Variants in PCDHA10 observed in about 807,000 individuals in gnomAD.
PCDHA10 encodes the protein protocadherin alpha-10.
In PCDHA10, 45 loss-of-function variants were observed where a neutral mutation model predicts 61.2. The ratio of observed to expected loss-of-function variants is 0.74; its 90% confidence interval spans 0.58 to 0.94. PCDHA10 has a LOEUF of 0.94. Ranked by LOEUF, PCDHA10 falls within the 40% of genes least tolerant of loss-of-function variation. The pLI, the probability that PCDHA10 is intolerant of heterozygous loss-of-function variation, is 0.00. For missense variants in PCDHA10, 1,278 were observed against 1,236.2 expected, an observed-to-expected ratio of 1.03 and a Z score of -0.51; for synonymous variants, 602 against 548.8, an observed-to-expected ratio of 1.10 and a Z score of -1.35.
intron 3 of PCDHA10, among the ~76,000 whole-genome samples, chr5:140,985,373 C>G (rs1228293287): frequency 6.6e-6 from 1 of 152,106 alleles, no homozygotes. Flanking sequence ...TTATCTGGGT[C>G]TATATAATCC....
At chr5:140,905,033 T>C (rs1325621385) in intron 1 of PCDHA10, among the ~76,000 whole-genome samples, 3 of 152,234 alleles carry the variant, frequency 2.0e-5, no homozygotes, top group African/African-American at 7.2e-5. Context: ...AGAAGCTTTT[T>C]AGTTTAATTA....
intron 1 of PCDHA10, chr5:140,858,692 C>A: frequency 1.7e-6 from 1 of 580,634 alleles, no homozygotes; most frequent in Non-Finnish European, 2.9e-6. Flanking sequence ...TAATATTTTC[C>A]AATACAAATA....
intron 1 of PCDHA10, chr5:140,926,295 C>T (rs1554203253): frequency 6.6e-6 from 1 of 152,322 alleles, no homozygotes; most frequent in African/African-American, 2.4e-5. Flanking sequence ...CGCTGAGTCC[C>T]GCCCTCTCCG....
rs1562509895 is a variant in PCDHA10 at position 140,856,448 on chromosome 5, G to GT, written c.401dup (p.Thr135AsnfsTer9). On this transcript the variant is annotated frameshift_variant, in exon 1 of 4. Coordinates refer to ENST00000307360, the MANE Select transcript of PCDHA10 (RefSeq NM_018901.4). LOFTEE classifies it high-confidence loss of function. ...TAACGACAACCCGCCCAGGTTCTCCGTAACAGAACAAAAGCTCTCAATACC... is the reference window on the plus strand; with the variant it reads ...TAACGACAACCCGCCCAGGTTCTCCGTTAACAGAACAAAAGCTCTCAATACC... 1 of 1,598,390 alleles carries GT rather than the reference G, an allele frequency of 6.3e-7. No individual in the cohort carries two copies. Among genetic ancestry groups the GT allele is most frequent in the East Asian group, 2.2e-5 (1 of 44,864 alleles).
At chr5:140,987,452 A>C (rs1430622755) in intron 3 of PCDHA10, among the ~76,000 whole-genome samples, 2 of 152,076 alleles carry the variant, frequency 1.3e-5, no homozygotes, top group Non-Finnish European at 2.9e-5. Context: ...CCCGAGAGAT[A>C]ATTGTTAAGA....
intron 1 of PCDHA10, chr5:140,967,146 AC>A: frequency 6.2e-7 from 1 of 1,610,972 alleles, no homozygotes; most frequent in Non-Finnish European, 8.5e-7. Context: ...CTGGCGCACA[AC>A]CCCGTGGCGG....
rs782119738 is a variant in PCDHA10, at chr5:140,927,224, G to A, written c.2389-51725G>A. ...GACCCGCTGGAGCTGCACAAGATTC[G>A]GATTCACGTCCTGGACACCAATGAC... On this transcript the variant is annotated intron_variant, in intron 1 of 3. Coordinates refer to ENST00000307360, the MANE Select transcript of PCDHA10 (RefSeq NM_018901.4). 3 of 1,614,072 alleles carry A rather than the reference G, an allele frequency of 1.9e-6. No homozygotes were observed. The South Asian group carries it at 3.3e-5, about 18-fold the overall frequency.
intron 3 of PCDHA10, among the ~76,000 whole-genome samples, chr5:140,995,470 T>C (rs543327839): frequency 5.6e-4 from 86 of 152,360 alleles, no homozygotes; most frequent in Middle Eastern, 3.4e-3. Flanking sequence ...TTGAAATTTT[T>C]CATTTAATAT....
chr5:140,862,618 C>A (rs532330556), intron 1 of PCDHA10: 10 of 526,556 alleles, frequency 1.9e-5, no homozygotes, highest in South Asian at 1.3e-4. Flanking sequence ...AGGTAACAAC[C>A]CGCGGGGCTG....
chr5:140,871,036 C>A (rs781977409), intron 1 of PCDHA10: 2 of 1,613,156 alleles, frequency 1.2e-6, no homozygotes, highest in East Asian at 2.2e-5. Flanking sequence ...GCCGCGCCAC[C>A]GACTTCTAGT....
intron 1 of PCDHA10, chr5:140,928,089 T>G: frequency 6.2e-7 from 1 of 1,614,192 alleles, no homozygotes; most frequent in Non-Finnish European, 8.5e-7. Context: ...GCCTGCTGAT[T>G]GATGGGCCCC....
intron 1 of PCDHA10, among the ~76,000 whole-genome samples, chr5:140,912,269 A>T (rs1463580948): frequency 6.6e-6 from 1 of 151,984 alleles, no homozygotes; most frequent in African/African-American, 2.4e-5. Context: ...ACCCTCACAG[A>T]TATACCCAGG....
intron 1 of PCDHA10, among the ~76,000 whole-genome samples, chr5:140,946,772 TG>T (rs2094025159): frequency 6.6e-6 from 1 of 151,346 alleles, no homozygotes; most frequent in Non-Finnish European, 1.5e-5. Context: ...TCATGTGGAA[TG>T]TAAAAAAGCT....
At chr5:140,921,367 T>C (rs1165325497) in intron 1 of PCDHA10, among the ~76,000 whole-genome samples, 1 of 152,182 alleles carries the variant, frequency 6.6e-6, no homozygotes, top group African/African-American at 2.4e-5. Context: ...TCAAGTTTCA[T>C]ATTTCTACAT....
At chr5:140,865,367 A>G (rs1392735028) in intron 1 of PCDHA10, 1 of 152,348 alleles carries the variant, frequency 6.6e-6, no homozygotes, top group Middle Eastern at 3.4e-3. Flanking sequence ...CAGGATAACC[A>G]TGTTATAGGT....
intron 3 of PCDHA10, among the ~76,000 whole-genome samples, chr5:140,997,635 A>C (rs1317325954): frequency 6.6e-6 from 1 of 151,942 alleles, no homozygotes; most frequent in Non-Finnish European, 1.5e-5. Context: ...CAAAAAGCAA[A>C]ATGGGATAAT....
At chr5:140,926,537 T>C (rs1584447910) in intron 1 of PCDHA10, 2 of 211,572 alleles carry the variant, frequency 9.5e-6, no homozygotes, top group African/African-American at 2.3e-5. Flanking sequence ...GCAGCCAGCG[T>C]GGTGGTCGAG....
In PCDHA10 at chr5:140,981,687, ATCATTCATTCAT is replaced by A. The variant is rs200213847; in HGVS notation, c.2448-771_2448-760del. Among the ~76,000 whole-genome samples the A allele has an allele frequency of 3.0e-3, 453 of 152,088 alleles. 7 individuals are homozygous for A. In the East Asian group the frequency reaches 0.044, roughly 15 times the overall value. Reference sequence around the variant, plus strand: ...CTTCCTTTCTTCCTTCCTCCCTTCCATCATTCATTCATTCATTCATTCATTCATCCAACAAAT... The same window carrying A: ...CTTCCTTTCTTCCTTCCTCCCTTCCATCATTCATTCATTCATCCAACAAAT... On this transcript the variant is annotated intron_variant, in intron 2 of 3. Transcript: ENST00000307360.
At chr5:140,918,639 TGA>T (rs1554198713) in intron 1 of PCDHA10, among the ~76,000 whole-genome samples, 1 of 152,224 alleles carries the variant, frequency 6.6e-6, no homozygotes, top group East Asian at 1.9e-4. Context: ...ATTCATAAAT[TGA>T]AACCTAATTC....
Sources: allele counts gnomAD v4.1 joint callset (sites outside exome capture counted in the v4.1 genomes callset), GRCh38; gene constraint gnomAD v4.1.1; transcripts MANE v1.5; gene names NCBI Gene and HGNC (gene_info 2026-07-23, HGNC 2026-07-21).